LRRTM4: variants seen among roughly 807,000 people sequenced by gnomAD.
LRRTM4 encodes the protein leucine rich repeat transmembrane neuronal 4.
LRRTM4 carries 25 observed loss-of-function variants against 47.6 expected under a neutral mutation model. The observed-to-expected ratio is 0.53, with a 90% CI of 0.38 to 0.73. LRRTM4 has a LOEUF of 0.73. Among genes scored for constraint, LRRTM4 ranks in the 30% least tolerant of loss-of-function variants. The pLI is 0.00. For missense variants in LRRTM4, 638 were observed against 713.4 expected, an observed-to-expected ratio of 0.89 and a Z score of 1.20; for synonymous variants, 311 against 269.5, an observed-to-expected ratio of 1.15 and a Z score of -1.51.
chr2:77,510,218 AAATTT>A (rs1678930432), intron 3 of LRRTM4, among the ~76,000 whole-genome samples: 1 of 152,156 alleles, frequency 6.6e-6, no homozygotes, highest in African/African-American at 2.4e-5. Context: ...ATTTGAAAAT[AAATTT>A]ATTTAATATG....
chr2:77,292,282 A>G (rs1430410228), intron 3 of LRRTM4, among the ~76,000 whole-genome samples: 10 of 151,246 alleles, frequency 6.6e-5, no homozygotes, highest in Non-Finnish European at 1.5e-4. Flanking sequence ...TGTGGAAGTC[A>G]GTGTGGTGAT....
chr2:77,096,688 A>G (rs938090891), intron 3 of LRRTM4, among the ~76,000 whole-genome samples: 10 of 151,638 alleles, frequency 6.6e-5, no homozygotes, highest in African/African-American at 1.9e-4. Flanking sequence ...ATCAGTATGA[A>G]TATTAGCATG....
intron 3 of LRRTM4, among the ~76,000 whole-genome samples, chr2:76,791,059 C>T (rs1487272437): frequency 6.6e-6 from 1 of 152,174 alleles, no homozygotes. Context: ...GGGGCTATAA[C>T]ACTGGCTGTT....
chr2:77,203,015 A>T (rs1177496466), intron 3 of LRRTM4, among the ~76,000 whole-genome samples: 1 of 152,012 alleles, frequency 6.6e-6, no homozygotes, highest in East Asian at 1.9e-4. Context: ...AAGACTACCT[A>T]CTGGTCTTGA....
chr2:77,043,348 G>C (rs1432711802), intron 3 of LRRTM4, among the ~76,000 whole-genome samples: 1 of 151,680 alleles, frequency 6.6e-6, no homozygotes, highest in Non-Finnish European at 1.5e-5. Flanking sequence ...GTCCATAGGA[G>C]AATAGAAAAA....
chr2:76,966,744 C>T (rs1558766763), intron 3 of LRRTM4, among the ~76,000 whole-genome samples: 2 of 151,414 alleles, frequency 1.3e-5, no homozygotes, highest in Admixed American at 1.3e-4. Flanking sequence ...ATTACCAATT[C>T]CAACATGATT....
intron 3 of LRRTM4, among the ~76,000 whole-genome samples, chr2:76,899,370 A>G (rs1351990666): frequency 6.6e-6 from 1 of 150,884 alleles, no homozygotes; most frequent in African/African-American, 2.4e-5. Context: ...TATATAAACT[A>G]TATTTTATAA....
intron 3 of LRRTM4, among the ~76,000 whole-genome samples, chr2:77,026,640 C>G (rs910204583): frequency 2.0e-5 from 3 of 151,772 alleles, no homozygotes; most frequent in African/African-American, 7.3e-5. Flanking sequence ...TTCTATAAAA[C>G]CTGAAAAGCT....
intron 3 of LRRTM4, among the ~76,000 whole-genome samples, chr2:77,250,462 C>G (rs1347949): frequency 0.11 from 17,350 of 152,074 alleles, 1,160 homozygotes; most frequent in East Asian, 0.31. Context: ...TATAGTGAAT[C>G]TAAAACTTCT....
At chr2:77,386,231 A>G (rs1262381275) in intron 3 of LRRTM4, among the ~76,000 whole-genome samples, 1 of 152,260 alleles carries the variant, frequency 6.6e-6, no homozygotes, top group Non-Finnish European at 1.5e-5. Context: ...GCTTTCTAAC[A>G]CAAATAAGAG....
intron 3 of LRRTM4, among the ~76,000 whole-genome samples, chr2:77,481,882 T>C (rs200813671): frequency 3.4e-3 from 79 of 23,040 alleles, no homozygotes; most frequent in Non-Finnish European, 6.0e-3. Flanking sequence ...TTTTTTTTCT[T>C]TTTTTTTTTT....
chr2:77,215,472 G>A (rs1173336678), intron 3 of LRRTM4, among the ~76,000 whole-genome samples: 1 of 152,104 alleles, frequency 6.6e-6, no homozygotes, highest in East Asian at 1.9e-4. Flanking sequence ...CTAATTAGGA[G>A]GTAGTCTAAC....
intron 3 of LRRTM4, among the ~76,000 whole-genome samples, chr2:77,128,070 GA>G (rs1671696450): frequency 6.6e-6 from 1 of 151,766 alleles, no homozygotes; most frequent in African/African-American, 2.4e-5. Context: ...TTGAACCCAG[GA>G]GGCAGAGGTT....
At chr2:77,261,847 T>C (rs939254918) in intron 3 of LRRTM4, among the ~76,000 whole-genome samples, 2 of 152,134 alleles carry the variant, frequency 1.3e-5, no homozygotes, top group Non-Finnish European at 2.9e-5. Flanking sequence ...AGAGGTCCTA[T>C]ACAACATGGG....
In LRRTM4 at chr2:76,779,485, T is replaced by C. The variant is rs897031118; in HGVS notation, c.1552-30569A>G. On this transcript the variant is annotated intron_variant, in intron 3 of 3. Transcript: ENST00000409884. ...ATATATTTAGGATAGTTAGCTCTTCTTGTTGAATTGATCCCTTTACCATCA... is the reference window on the plus strand; with the variant it reads ...ATATATTTAGGATAGTTAGCTCTTCCTGTTGAATTGATCCCTTTACCATCA... Among the ~76,000 whole-genome samples, 3 of 145,916 alleles carry C rather than the reference T, an allele frequency of 2.1e-5. No individual in the cohort carries two copies. The Admixed American group carries it at 2.1e-4, about 10-fold the overall frequency.
At chr2:77,006,066 A>G (rs926776154) in intron 3 of LRRTM4, among the ~76,000 whole-genome samples, 3 of 152,208 alleles carry the variant, frequency 2.0e-5, no homozygotes, top group African/African-American at 7.2e-5. Flanking sequence ...AAATGAATAC[A>G]TAAATCGAAA....
chr2:77,481,667 G>C (rs1319830234), intron 3 of LRRTM4, among the ~76,000 whole-genome samples: 1 of 151,902 alleles, frequency 6.6e-6, no homozygotes, highest in Non-Finnish European at 1.5e-5. Context: ...TATGTTCTTT[G>C]CTTCTTAATT....
chr2:77,366,787 A>G (rs1214371449), intron 3 of LRRTM4, among the ~76,000 whole-genome samples: 1 of 151,814 alleles, frequency 6.6e-6, no homozygotes, highest in Non-Finnish European at 1.5e-5. Flanking sequence ...TTTATTAAAC[A>G]TCATTCGTAT....
chr2:76,802,556 A>C (rs551142975), intron 3 of LRRTM4, among the ~76,000 whole-genome samples: 1 of 152,130 alleles, frequency 6.6e-6, no homozygotes, highest in Admixed American at 6.6e-5. Context: ...AAATGATTCA[A>C]TGTAATCCCT....
Sources: gnomAD v4.1 joint callset for allele counts (sites outside exome capture counted in the v4.1 genomes callset) on GRCh38, gnomAD v4.1.1 for gene constraint, MANE v1.5 for transcripts, NCBI Gene and HGNC (gene_info 2026-07-23, HGNC 2026-07-21) for gene names.